Variants in RGS6 observed in about 807,000 individuals in gnomAD.
RGS6 encodes regulator of G protein signaling 6, also known as regulator of G-protein signaling 6.
A neutral mutation model predicts 78.5 loss-of-function variants in RGS6; 30 were observed. The ratio of observed to expected loss-of-function variants is 0.38; its 90% confidence interval spans 0.29 to 0.52. The LOEUF (loss-of-function observed/expected upper bound fraction) is 0.52. Among genes scored for constraint, RGS6 ranks in the 20% least tolerant of loss-of-function variants. RGS6 has a pLI of 0.85. For synonymous variants in RGS6, 206 were observed against 206.0 expected, an observed-to-expected ratio of 1.00 and a Z score of 0.00; for missense variants, 495 against 609.7, an observed-to-expected ratio of 0.81 and a Z score of 1.98.
At chr14:72,281,129 A>C (rs2061495978) in intron 2 of RGS6, among the ~76,000 whole-genome samples, 1 of 151,662 alleles carries the variant, frequency 6.6e-6, no homozygotes, top group Non-Finnish European at 1.5e-5. Context: ...AAAAAGTGAG[A>C]AGTGAAACAA....
intron 2 of RGS6, among the ~76,000 whole-genome samples, chr14:72,088,218 G>A (rs752539661): frequency 6.6e-6 from 1 of 152,176 alleles, no homozygotes; most frequent in African/African-American, 2.4e-5. Flanking sequence ...TTGCTCATGA[G>A]TAACCTTCGG....
chr14:72,538,428 G>A (rs1273350477), intron 16 of RGS6, among the ~76,000 whole-genome samples: 1 of 152,212 alleles, frequency 6.6e-6, no homozygotes, highest in African/African-American at 2.4e-5. Context: ...GGTTCTCAGG[G>A]GGTAGGTGAG....
At chr14:72,250,126 A>T (rs2055306845) in intron 2 of RGS6, among the ~76,000 whole-genome samples, 1 of 150,122 alleles carries the variant, frequency 6.7e-6, no homozygotes, top group African/African-American at 2.5e-5. Context: ...GCACTGGGAG[A>T]TATACCTAAT....
intron 12 of RGS6, among the ~76,000 whole-genome samples, chr14:72,480,155 A>T (rs2096340304): frequency 6.6e-6 from 1 of 152,200 alleles, no homozygotes; most frequent in African/African-American, 2.4e-5. Flanking sequence ...GATAATCTTC[A>T]AGTGGACTGA....
intron 2 of RGS6, among the ~76,000 whole-genome samples, chr14:72,173,760 T>C (rs1443931763): frequency 6.6e-6 from 1 of 152,164 alleles, no homozygotes; most frequent in African/African-American, 2.4e-5. Flanking sequence ...TCCCGTCCCC[T>C]CCTCTCCTTG....
At chr14:71,897,919 G>T in the RGS6 span, among the ~76,000 whole-genome samples, 1 of 151,886 alleles carries the variant, frequency 6.6e-6, no homozygotes, top group Non-Finnish European at 1.5e-5. Context: ...GAACACCCAG[G>T]AGCTTAGAGT....
intron 2 of RGS6, among the ~76,000 whole-genome samples, chr14:72,181,186 T>C (rs770270005): frequency 7.9e-5 from 12 of 152,256 alleles, no homozygotes; most frequent in Non-Finnish European, 1.6e-4. Flanking sequence ...AAAGCTATTG[T>C]TAAAATATTT....
chr14:72,103,897 C>A (rs1013474334), intron 2 of RGS6, among the ~76,000 whole-genome samples: 2 of 152,158 alleles, frequency 1.3e-5, no homozygotes, highest in Non-Finnish European at 2.9e-5. Flanking sequence ...ACCATTTTTA[C>A]AATTTACCAA....
In RGS6 at chr14:72,243,945, C is replaced by T. The variant is rs77956956; in HGVS notation, c.85-108150C>T. 8.4e-3 allele frequency among the ~76,000 whole-genome samples: 1,281 copies of T among 152,282 alleles called. 6 individuals carry two copies. Among genetic ancestry groups the T allele is most frequent in the Non-Finnish European group, 0.012 (835 of 68,014 alleles). ...GTTACTCTCCAAAGGTTTGCTAGAG[C>T]TTTACTTTGAATTCTATTCATCAAT... On this transcript the variant is annotated intron_variant, in intron 2 of 17. Coordinates refer to ENST00000553525, the MANE Select transcript of RGS6 (RefSeq NM_001204424.2).
intron 17 of RGS6, chr14:72,552,676 T>C (rs1368095045): frequency 6.6e-6 from 1 of 152,206 alleles, no homozygotes; most frequent in Non-Finnish European, 1.5e-5. Context: ...TTCTCTTTTT[T>C]AACCACTTAT....
At chr14:72,584,005 A>G in the RGS6 span, among the ~76,000 whole-genome samples, 1 of 152,214 alleles carries the variant, frequency 6.6e-6, no homozygotes, top group African/African-American at 2.4e-5. Context: ...TCATCATCCA[A>G]GAGGTGAAAT....
chr14:72,083,415 T>C (rs955294596), intron 2 of RGS6, among the ~76,000 whole-genome samples: 5 of 152,158 alleles, frequency 3.3e-5, no homozygotes, highest in African/African-American at 4.8e-5. Flanking sequence ...CAATACAGAA[T>C]GATCTGATTC....
chr14:72,109,493 G>C (rs1046829927), intron 2 of RGS6, among the ~76,000 whole-genome samples: 1 of 152,054 alleles, frequency 6.6e-6, no homozygotes, highest in African/African-American at 2.4e-5. Context: ...AGCATTTTTG[G>C]AGCTGGGACA....
chr14:72,029,908 C>T (rs1328468794), intron 2 of RGS6, among the ~76,000 whole-genome samples: 4 of 152,250 alleles, frequency 2.6e-5, no homozygotes, highest in South Asian at 2.1e-4. Context: ...GCATTTCTTC[C>T]TTGAGGTCAG....
chr14:72,095,373 T>C (rs1472126895), intron 2 of RGS6, among the ~76,000 whole-genome samples: 1 of 152,188 alleles, frequency 6.6e-6, no homozygotes, highest in Non-Finnish European at 1.5e-5. Context: ...TTTTTTGTAG[T>C]CTTTCAGCCT....
the RGS6 span, among the ~76,000 whole-genome samples, chr14:71,887,619 C>T: frequency 6.6e-6 from 1 of 152,288 alleles, no homozygotes; most frequent in Non-Finnish European, 1.5e-5. Context: ...GCAGTACCTT[C>T]AGGCTTACTA....
intron 2 of RGS6, among the ~76,000 whole-genome samples, chr14:72,343,943 A>G (rs994404567): frequency 1.3e-5 from 2 of 152,196 alleles, no homozygotes; most frequent in African/African-American, 4.8e-5. Context: ...GCCAGTATCT[A>G]TTGTCCTCAT....
intron 2 of RGS6, among the ~76,000 whole-genome samples, chr14:72,005,027 CAG>C (rs1223785481): frequency 2.6e-5 from 4 of 152,086 alleles, no homozygotes; most frequent in Non-Finnish European, 5.9e-5. Context: ...GAGGAAATAA[CAG>C]AAGAGTATGT....
the RGS6 span, among the ~76,000 whole-genome samples, chr14:71,894,554 C>T: frequency 2.6e-5 from 4 of 152,124 alleles, no homozygotes; most frequent in African/African-American, 9.7e-5. Context: ...ATAAACTTGC[C>T]TTTGCTTTGC....
Sources: allele counts gnomAD v4.1 joint callset (sites outside exome capture counted in the v4.1 genomes callset), GRCh38; gene constraint gnomAD v4.1.1; transcripts MANE v1.5; gene names NCBI Gene and HGNC (gene_info 2026-07-23, HGNC 2026-07-21).